PLEKHA6: variants seen among roughly 807,000 people sequenced by gnomAD.
The protein encoded by PLEKHA6 is pleckstrin homology domain containing A6.
Under a neutral mutation model 116.7 loss-of-function variants are expected in PLEKHA6, and 60 were observed. The observed-to-expected ratio is 0.51, with a 90% CI of 0.42 to 0.64. The LOEUF (loss-of-function observed/expected upper bound fraction) is 0.64, where lower values mean the gene tolerates loss of function less well. Ranked by LOEUF, PLEKHA6 falls within the 30% of genes least tolerant of loss-of-function variation. PLEKHA6 has a pLI of 0.00. For synonymous variants in PLEKHA6, 489 were observed against 556.1 expected (o/e 0.88, Z 1.70); for missense variants, 1,338 against 1,422.7 (o/e 0.94, Z 0.96).
At chr1:204,351,065 G>A (rs367959101) in intron 1 of PLEKHA6, among the ~76,000 whole-genome samples, 1 of 152,160 alleles carries the variant, frequency 6.6e-6, no homozygotes, top group Non-Finnish European at 1.5e-5. Flanking sequence ...CAACCCAGCT[G>A]GGAGGCCGCC....
At chr1:204,309,368 C>T (rs1164708719) in intron 1 of PLEKHA6, among the ~76,000 whole-genome samples, 1 of 152,224 alleles carries the variant, frequency 6.6e-6, no homozygotes, top group Non-Finnish European at 1.5e-5. Context: ...TCACACGCCG[C>T]ATAAGGTCGT....
intron 1 of PLEKHA6, among the ~76,000 whole-genome samples, chr1:204,312,918 C>T (rs1292388916): frequency 2.7e-5 from 4 of 147,800 alleles, no homozygotes; most frequent in African/African-American, 1.0e-4. Context: ...TCCCTTCCTT[C>T]CTTCCTTCCT....
At chr1:204,356,150 A>G (rs1276550455) in intron 1 of PLEKHA6, among the ~76,000 whole-genome samples, 1 of 152,258 alleles carries the variant, frequency 6.6e-6, no homozygotes, top group Non-Finnish European at 1.5e-5. Flanking sequence ...GAAGATTCAG[A>G]TATTTATATG....
At chr1:204,333,293 A>G (rs1358681761) in intron 1 of PLEKHA6, among the ~76,000 whole-genome samples, 1 of 152,234 alleles carries the variant, frequency 6.6e-6, no homozygotes, top group Non-Finnish European at 1.5e-5. Context: ...TGCCCAAAGC[A>G]AAGTGGCTTG....
rs529036365 is a variant in PLEKHA6, at chr1:204,235,865, C to T, written c.2410-5279G>A. 2.6e-5 allele frequency among the ~76,000 whole-genome samples: 4 copies of T among 152,288 alleles called. No homozygotes were observed. In the South Asian group the frequency reaches 8.3e-4, roughly 32 times the overall value. On this transcript the variant is annotated intron_variant, in intron 17 of 22. Transcript: ENST00000272203. The stretch of plus-strand genomic sequence containing the variant: ...TCCACCTTTGTCTGAGAAGGTAAAC[C>T]CTGTGCTGCCAGAGGCAACAGTCAA...
chr1:204,360,329 C>G (rs947389569), upstream of PLEKHA6, among the ~76,000 whole-genome samples: 1 of 152,148 alleles, frequency 6.6e-6, no homozygotes, highest in Non-Finnish European at 1.5e-5. Flanking sequence ...GAGAGGGGCA[C>G]GTCTCTAGGT....
chr1:204,273,481 C>G, intron 3 of PLEKHA6, 145 bp downstream of exon 3: 2 of 641,128 alleles, frequency 3.1e-6, no homozygotes, highest in East Asian at 5.4e-5. Flanking sequence ...CTACTCTCCA[C>G]TCTCTTCCTG....
intron 1 of PLEKHA6, among the ~76,000 whole-genome samples, chr1:204,308,813 C>T (rs1407096396): frequency 1.3e-5 from 2 of 150,406 alleles, no homozygotes; most frequent in Non-Finnish European, 3.0e-5. Context: ...CTCAGCCTCC[C>T]GAGTAGCTGG....
intron 1 of PLEKHA6, among the ~76,000 whole-genome samples, chr1:204,313,931 C>T (rs1671758586): frequency 6.6e-6 from 1 of 152,184 alleles, no homozygotes; most frequent in Admixed American, 6.5e-5. Context: ...ATTCTGCCCT[C>T]CTACTTATCT....
chr1:204,290,050 A>T (rs1311596267), intron 1 of PLEKHA6, among the ~76,000 whole-genome samples: 1 of 152,102 alleles, frequency 6.6e-6, no homozygotes, highest in Non-Finnish European at 1.5e-5. Context: ...AAATCCAAAT[A>T]AAAGGAGAAA....
chr1:204,348,668 C>T (rs576218935), intron 1 of PLEKHA6, among the ~76,000 whole-genome samples: 17 of 152,104 alleles, frequency 1.1e-4, no homozygotes, highest in East Asian at 1.9e-4. Flanking sequence ...CAGCCACTCG[C>T]GCCCCTCTTG....
In PLEKHA6 at chr1:204,268,217, G is replaced by A; in HGVS notation, c.198C>T (p.Leu66=). ...CGCAGGGTGGCCTCACCTGTTTGAA[G>A]AGCCAGCCCGCCTTGGTGACAGGTG... ...PNAPVTKAGW[L]FKQASSGVKQ... The change falls in exon 4 of 23, where the codon CTC becomes CTT. Residue 66 remains leucine (L), a synonymous_variant. Coordinates refer to ENST00000272203, the MANE Select transcript of PLEKHA6 (RefSeq NM_014935.5). The A allele has an allele frequency of 1.2e-6, 2 of 1,610,512 alleles. No individual in the cohort carries two copies. The highest frequency in any genetic ancestry group is 1.7e-4 in the Middle Eastern group (1 of 6,040).
In PLEKHA6 at chr1:204,268,079, A is replaced by G; in HGVS notation, c.207+129T>C. 3 of 548,486 alleles carry G rather than the reference A, an allele frequency of 5.5e-6. 1 individual carries two copies. The South Asian group carries it at 8.8e-5, about 16-fold the overall frequency. 34.0% of individuals were successfully genotyped at this position (548,486 alleles called of 1,614,324 possible). ...TTCTCTGAGCCTTTATAAAATTAGG[A>G]GACTCATTCACAGAGACAGCAGGGG... is the stretch of plus-strand genomic sequence containing the variant. On this transcript the variant is annotated intron_variant, in intron 4 of 22. Transcript: ENST00000272203.
chr1:204,255,817 A>C, intron 9 of PLEKHA6: 1 of 632,710 alleles, frequency 1.6e-6, no homozygotes, highest in South Asian at 1.9e-5. Context: ...TCTGCCCTTG[A>C]GGAGTTCTCA....
chr1:204,376,638 C>T (rs756691369), intron 1 of PLEKHA6, among the ~76,000 whole-genome samples: 8 of 152,210 alleles, frequency 5.3e-5, no homozygotes, highest in Admixed American at 1.3e-4. Flanking sequence ...TCAGCAGATG[C>T]GGGGCTGAGT....
intron 1 of PLEKHA6, chr1:204,313,485 G>A: frequency 2.4e-6 from 2 of 824,702 alleles, no homozygotes; most frequent in African/African-American, 3.7e-5. Flanking sequence ...CATTTCTCAA[G>A]AGCACAAACC....
chr1:204,229,121 T>C lies in PLEKHA6; in HGVS notation c.2584-17A>G, dbSNP rs148670543. On this transcript the variant is annotated splice_polypyrimidine_tract_variant and intron_variant, in intron 18 of 22. Transcript: ENST00000272203. Reference sequence around the variant, plus strand: ...GCGGCGCACCTAGGGGACAGCAGCATCGTGATTGCACCATGGCTACCCATG... The same window carrying C: ...GCGGCGCACCTAGGGGACAGCAGCACCGTGATTGCACCATGGCTACCCATG... The C allele has an allele frequency of 2.0e-4, 315 of 1,608,124 alleles. 2 individuals carry two copies. In the African/African-American group the frequency reaches 3.7e-3, roughly 19 times the overall value.
At chr1:204,306,275 T>A (rs922149240) in intron 1 of PLEKHA6, among the ~76,000 whole-genome samples, 2 of 152,174 alleles carry the variant, frequency 1.3e-5, no homozygotes, top group Admixed American at 6.5e-5. Context: ...ACTGCTCAGA[T>A]GGCAGCCAGG....
chr1:204,311,604 TAC>T lies in PLEKHA6; in HGVS notation c.-94-36797_-94-36796del, dbSNP rs1671661719. The stretch of plus-strand genomic sequence containing the variant: ...AACTAATGATAACTGCCAAATACAA[TAC>T]AGTTTTCAAATATTTCTTCCTTCCA... On this transcript the variant is annotated intron_variant, in intron 1 of 22. Coordinates refer to ENST00000272203, the MANE Select transcript of PLEKHA6 (RefSeq NM_014935.5). 5.1e-6 allele frequency: 5 copies of T among 979,858 alleles called. No individual in the cohort carries two copies. In the Admixed American group the frequency reaches 3.1e-4, roughly 60 times the overall value. 60.7% of individuals were successfully genotyped at this position (979,858 alleles called of 1,614,324 possible). A position where few individuals can be genotyped will look rare whatever the true frequency, so the allele number is the denominator to read the frequency against.
Sources: gnomAD v4.1 joint callset for allele counts (sites outside exome capture counted in the v4.1 genomes callset) on GRCh38, gnomAD v4.1.1 for gene constraint, MANE v1.5 for transcripts, NCBI Gene and HGNC (gene_info 2026-07-23, HGNC 2026-07-21) for gene names.